The following TRIM69 variants were observed in gnomAD, a reference collection of about 807,000 sequenced individuals.
TRIM69 encodes tripartite motif containing 69.
In TRIM69, 29 loss-of-function variants were observed where a neutral mutation model predicts 37.7. The ratio of observed to expected loss-of-function variants is 0.77; its 90% CI spans 0.57 to 1.05. The LOEUF is 1.05. Ranked by LOEUF, TRIM69 falls within the 50% of genes least tolerant of loss-of-function variation. The pLI is 0.00. For synonymous variants in TRIM69, 209 were observed against 212.4 expected, an observed-to-expected ratio of 0.98 and a Z score of 0.14; for missense variants, 596 against 579.9, an observed-to-expected ratio of 1.03 and a Z score of -0.28.
intron 2 of TRIM69, among the ~76,000 whole-genome samples, chr15:44,756,084 G>T (rs1265139854): frequency 1.3e-5 from 2 of 151,854 alleles, no homozygotes; most frequent in African/African-American, 4.8e-5. Flanking sequence ...TTTGAGATGG[G>T]TCTCACTATG....
Position 44,767,796 on chromosome 15 carries a change from C to A in TRIM69, c.*24C>A, listed in dbSNP as rs746251756. ...AATGAGTCATAATATTATACAAATT[C>A]AGAGTGTTATTAAAGAGGTATTGAA... On this transcript the variant is annotated 3_prime_UTR_variant, in exon 7 of 7. Coordinates refer to ENST00000329464, the MANE Select transcript of TRIM69 (RefSeq NM_182985.5). 3.8e-6 allele frequency: 6 copies of A among 1,573,886 alleles called. No homozygotes were observed. The highest frequency in any genetic ancestry group is 2.7e-5 in the African/African-American group (2 of 73,772).
chr15:44,736,582 C>T lies in TRIM69; in HGVS notation c.-123C>T, dbSNP rs1596008874. ...CCAGCTCCTGAACTTTTCTTTCTTCCATCATGCTCTGAGCCCATTCCTTGA... is the reference window on the plus strand; with the variant it reads ...CCAGCTCCTGAACTTTTCTTTCTTCTATCATGCTCTGAGCCCATTCCTTGA... On this transcript the variant is annotated 5_prime_UTR_variant, in exon 1 of 7. Transcript: ENST00000329464. The T allele has an allele frequency of 1.2e-5, 14 of 1,142,420 alleles. No individual in the cohort carries two copies. Among genetic ancestry groups the T allele is most frequent in the Admixed American group, 8.8e-5 (3 of 34,198 alleles). The allele number at this position is 1,142,420 out of a possible 1,614,324, so 70.8% of individuals were successfully genotyped here.
intron 1 of TRIM69, among the ~76,000 whole-genome samples, chr15:44,748,376 C>A (rs2087450753): frequency 6.6e-6 from 1 of 152,108 alleles, no homozygotes; most frequent in South Asian, 2.1e-4. Flanking sequence ...AACAAAGCTG[C>A]CATCACTGAA....
At chr15:44,748,885 A>T (rs1367842908) in intron 1 of TRIM69, among the ~76,000 whole-genome samples, 1 of 149,434 alleles carries the variant, frequency 6.7e-6, no homozygotes, top group Non-Finnish European at 1.5e-5. Context: ...TCAGTTTAGT[A>T]TTATTAATTT....
At chr15:44,736,926 C>A (rs2087174783) in intron 1 of TRIM69, among the ~76,000 whole-genome samples, 1 of 152,076 alleles carries the variant, frequency 6.6e-6, no homozygotes. Context: ...TGAAATCCAC[C>A]AAAACATTTT....
intron 1 of TRIM69, among the ~76,000 whole-genome samples, chr15:44,745,861 G>GA (rs1313667993): frequency 6.6e-6 from 1 of 151,810 alleles, no homozygotes; most frequent in Non-Finnish European, 1.5e-5. Flanking sequence ...GAAGATCAGG[G>GA]AAAAAAAAGA....
At chr15:44,760,431 C>T (rs1419928340) in intron 6 of TRIM69, among the ~76,000 whole-genome samples, 1 of 152,006 alleles carries the variant, frequency 6.6e-6, no homozygotes, top group African/African-American at 2.4e-5. Context: ...ATTTCAAGAA[C>T]ATCAAATAAA....
At chr15:44,751,929 A>G (rs1343084442) in intron 1 of TRIM69, among the ~76,000 whole-genome samples, 1 of 146,068 alleles carries the variant, frequency 6.8e-6, no homozygotes, top group Non-Finnish European at 1.5e-5. Context: ...TTCTTTTTGT[A>G]TTTTTGGTAG....
intron 1 of TRIM69, among the ~76,000 whole-genome samples, chr15:44,741,045 A>G (rs1202488940): frequency 1.3e-5 from 2 of 150,578 alleles, no homozygotes; most frequent in Non-Finnish European, 3.0e-5. Context: ...ACCTATTCCA[A>G]AATTGACCAC....
chr15:44,767,238 T>G lies in TRIM69; in HGVS notation c.969T>G (p.Ser323=). Residue 323 remains serine (S), a synonymous_variant, in exon 7 of 7, where the codon TCT becomes TCG. Coordinates refer to ENST00000329464, the MANE Select transcript of TRIM69 (RefSeq NM_182985.5). ...CTTTTATTTTCTTACTAGGCCTGTC[T>G]CCACTAACTCTGGACCCTAAAACAG... ...EMQDTLCPGL[S]PLTLDPKTAH... 1 of 1,612,148 alleles carries G rather than the reference T, an allele frequency of 6.2e-7. No homozygotes were observed. Among genetic ancestry groups the G allele is most frequent in the Non-Finnish European group, 8.5e-7 (1 of 1,179,020 alleles).
chr15:44,760,387 A>G (rs531440243), intron 6 of TRIM69, among the ~76,000 whole-genome samples: 1 of 152,202 alleles, frequency 6.6e-6, no homozygotes, highest in Non-Finnish European at 1.5e-5. Flanking sequence ...TGTAGATACC[A>G]AAGGACTGAG....
chr15:44,753,317 T>C (rs1024284283), intron 1 of TRIM69: 1 of 152,166 alleles, frequency 6.6e-6, no homozygotes, highest in African/African-American at 2.4e-5. Context: ...TAAAAAAAAG[T>C]AGAAACAGGG....
intron 1 of TRIM69, among the ~76,000 whole-genome samples, chr15:44,751,849 G>A (rs931267754): frequency 1.3e-5 from 2 of 152,050 alleles, no homozygotes; most frequent in Non-Finnish European, 2.9e-5. Context: ...GGGTTCAGGT[G>A]ATCCACCTAC....
At chr15:44,741,056 ATAGTTGG>A (rs1250282953) in intron 1 of TRIM69, among the ~76,000 whole-genome samples, 14 of 150,630 alleles carry the variant, frequency 9.3e-5, no homozygotes, top group South Asian at 2.1e-4. Flanking sequence ...AATTGACCAC[ATAGTTGG>A]AAGTAAAGCT....
chr15:44,758,448 G>A, intron 3 of TRIM69, 173 bp from the exon 4 acceptor site: 2 of 979,878 alleles, frequency 2.0e-6, no homozygotes, highest in South Asian at 1.8e-5. Flanking sequence ...TGGAAAAGGA[G>A]TAAGTCTCCC....
intron 6 of TRIM69, among the ~76,000 whole-genome samples, chr15:44,761,950 T>C (rs934373258): frequency 1.3e-5 from 2 of 152,142 alleles, no homozygotes; most frequent in African/African-American, 2.4e-5. Context: ...ACTCCATGGC[T>C]TGCCTTTTCA....
chr15:44,758,425 C>T, intron 3 of TRIM69, 196 bp from the exon 4 acceptor site: 1 of 814,826 alleles, frequency 1.2e-6, no homozygotes, highest in Non-Finnish European at 1.9e-6. Flanking sequence ...TCATCCTGAA[C>T]TATTAAATTA....
At position 44,744,312 on chromosome 15, in the gene TRIM69, G is replaced by T. The variant is rs1415422117; in HGVS notation, c.6+7602G>T. On this transcript the variant is annotated intron_variant, in intron 1 of 6. Transcript: ENST00000329464. ...CACACTCTGGGGACTGTTGTGGGGT[G>T]GGGGGAGGGGGGAGGGATAGCATTA... Among the ~76,000 whole-genome samples, 13 of 112,940 alleles carry T rather than the reference G, an allele frequency of 1.2e-4. 1 individual carries two copies. The South Asian group carries it at 1.5e-3, about 13-fold the overall frequency. 74.1% of individuals were successfully genotyped at this position (112,940 alleles called of 152,430 possible).
At chr15:44,759,367 A>G (rs1328405900) in intron 4 of TRIM69, among the ~76,000 whole-genome samples, 1 of 152,176 alleles carries the variant, frequency 6.6e-6, no homozygotes, top group Non-Finnish European at 1.5e-5. Flanking sequence ...AGACTATTTG[A>G]AAGTATAGGT....
Sources: allele counts gnomAD v4.1 joint callset (sites outside exome capture counted in the v4.1 genomes callset), GRCh38; gene constraint gnomAD v4.1.1; transcripts MANE v1.5; gene names NCBI Gene and HGNC (gene_info 2026-07-23, HGNC 2026-07-21).